CAMTA2: variants seen among roughly 807,000 people sequenced by gnomAD.
The protein encoded by CAMTA2 is calmodulin binding transcription activator 2, also known as calmodulin-binding transcription activator 2.
A neutral mutation model predicts 135.7 loss-of-function variants in CAMTA2; 56 were observed. The observed-to-expected ratio is 0.41, with a 90% CI of 0.33 to 0.52. The LOEUF is 0.52. Ranked by LOEUF, CAMTA2 falls within the 20% of genes least tolerant of loss-of-function variation. The pLI, the probability that CAMTA2 is intolerant of heterozygous loss-of-function variation, is 0.16. For synonymous variants in CAMTA2, 591 were observed against 604.6 expected (o/e 0.98, Z 0.33); for missense variants, 1,358 against 1,553.4 (o/e 0.87, Z 2.11).
At position 4,968,746 on chromosome 17, in the gene CAMTA2, G is replaced by A. The variant is rs769012964; in HGVS notation, c.*10C>T. On this transcript the variant is annotated 3_prime_UTR_variant, in exon 23 of 23. Coordinates refer to ENST00000348066, the MANE Select transcript of CAMTA2 (RefSeq NM_015099.4). ...GCGCCCCCAGGGTGGTGAGAAAGGCGGTGGCCAGGTCATGTGGCCAGTCCC... is the reference window on the plus strand; with the variant it reads ...GCGCCCCCAGGGTGGTGAGAAAGGCAGTGGCCAGGTCATGTGGCCAGTCCC... The A allele has an allele frequency of 3.7e-6, 6 of 1,613,988 alleles. No individual in the cohort carries two copies. The highest frequency in any genetic ancestry group is 2.2e-5 in the East Asian group (1 of 44,880).
chr17:4,987,426 C>G (rs1973428277), intron 1 of CAMTA2, 167 bp downstream of exon 1: 1 of 1,384,386 alleles, frequency 7.2e-7, no homozygotes, highest in Non-Finnish European at 9.3e-7. Context: ...TGGGGCCCTG[C>G]GGTGAGCGGC....
At position 4,987,605 on chromosome 17, in the gene CAMTA2, C is replaced by T. The variant is rs1597793409; in HGVS notation, c.-77G>A. On this transcript the variant is annotated 5_prime_UTR_variant, in exon 1 of 23. Transcript: ENST00000348066. ...CCCTGGCTCTTACCTCCCGGGGTCCCGCGGGTGACGGCGGCAGCGGCCATT... is the reference window on the plus strand; with the variant it reads ...CCCTGGCTCTTACCTCCCGGGGTCCTGCGGGTGACGGCGGCAGCGGCCATT... The T allele has an allele frequency of 1.2e-5, 19 of 1,527,454 alleles. No individual in the cohort carries two copies. In the East Asian group the frequency reaches 4.5e-4, roughly 36 times the overall value. 94.6% of individuals were successfully genotyped at this position (1,527,454 alleles called of 1,614,324 possible).
chr17:4,980,649 G>A lies in CAMTA2; in HGVS notation c.701-28C>T, dbSNP rs1420010034. ...GGAGTGGAGAGGAGTAGGAGGGAGAGGAGATAAGACACATCATTCCGCACC... is the reference window on the plus strand; with the variant it reads ...GGAGTGGAGAGGAGTAGGAGGGAGAAGAGATAAGACACATCATTCCGCACC... On this transcript the variant is annotated intron_variant, in intron 8 of 22. Coordinates refer to ENST00000348066, the MANE Select transcript of CAMTA2 (RefSeq NM_015099.4). This position sits in a 1 kb window ranked among gnomAD's most constrained non-coding sequence, Gnocchi z 5.3. 4.5e-6 allele frequency: 7 copies of A among 1,569,998 alleles called. No individual in the cohort carries two copies. In the South Asian group the frequency reaches 7.8e-5, roughly 17 times the overall value.
intron 10 of CAMTA2, among the ~76,000 whole-genome samples, chr17:4,977,637 T>A (rs1163727398): frequency 6.6e-6 from 1 of 152,210 alleles, no homozygotes; most frequent in African/African-American, 2.4e-5. Context: ...TAAGACCAGG[T>A]GCTGAGACTT....
intron 10 of CAMTA2, among the ~76,000 whole-genome samples, chr17:4,977,637 T>G (rs1163727398): frequency 1.3e-5 from 2 of 152,210 alleles, no homozygotes; most frequent in South Asian, 2.1e-4. Flanking sequence ...TAAGACCAGG[T>G]GCTGAGACTT....
chr17:4,973,329 G>A, intron 13 of CAMTA2, 76 bp from the exon 14 acceptor site: 3 of 1,184,714 alleles, frequency 2.5e-6, no homozygotes, highest in Non-Finnish European at 3.8e-6. Flanking sequence ...AGAAGTAAAG[G>A]CACTAGGAGG....
chr17:4,975,980 A>AT (rs2151176467), intron 11 of CAMTA2, among the ~76,000 whole-genome samples: 1 of 152,378 alleles, frequency 6.6e-6, no homozygotes, highest in Non-Finnish European at 1.5e-5. Context: ...AGCAATGGAT[A>AT]TCACTGAGAA....
rs60210082 is a variant in CAMTA2 at position 4,969,139 on chromosome 17, C to T, written c.3470+11G>A. On this transcript the variant is annotated intron_variant, in intron 21 of 22. Coordinates refer to ENST00000348066, the MANE Select transcript of CAMTA2 (RefSeq NM_015099.4). This position sits in a 1 kb window ranked among gnomAD's most constrained non-coding sequence, Gnocchi z 5.6. ...AGTGGGTGGGCACAGAGGGCTGGGG[C>T]TGGGCCCTACTTGTTGCGGGCAGGC... is the stretch of plus-strand genomic sequence containing the variant. 9,831 of 1,602,334 alleles carry T rather than the reference C, an allele frequency of 6.1e-3. 498 individuals carry two copies. In the African/African-American group the frequency reaches 0.11, roughly 18 times the overall value.
In CAMTA2 at chr17:4,973,235, G is replaced by A; in HGVS notation, c.2220C>T (p.Ser740=). 1.9e-6 allele frequency: 3 copies of A among 1,613,862 alleles called. No homozygotes were observed. Among genetic ancestry groups the A allele is most frequent in the Non-Finnish European group, 2.5e-6 (3 of 1,179,772 alleles). ...LSQWRSVETG[S]LDLEQEVDPL... is the part of the protein sequence containing the mutation. Reference sequence around the variant, plus strand: ...GGTCAACCTCCTGCTCTAAGTCCAAGCTTCCAGTCTCCACACTCCTGGAGG... The same window carrying A: ...GGTCAACCTCCTGCTCTAAGTCCAAACTTCCAGTCTCCACACTCCTGGAGG... Residue 740 remains serine (S), a synonymous_variant, in exon 14 of 23, where the codon AGC becomes AGT. Transcript: ENST00000348066.
At chr17:4,981,901 C>A in intron 6 of CAMTA2, 70 bp from the exon 7 acceptor site, 1 of 1,481,196 alleles carries the variant, frequency 6.8e-7, no homozygotes, top group African/African-American at 1.4e-5. Flanking sequence ...CTAATCCTCA[C>A]TTTCTTCCTG....
Position 4,986,226 on chromosome 17 carries a change from G to T in CAMTA2, c.-4C>A. ...CGGTGGTGTCCTTGGTATTCATGGTGAGGGCTCCAGGGGGCAAGGTCACCC... is the reference window on the plus strand; with the variant it reads ...CGGTGGTGTCCTTGGTATTCATGGTTAGGGCTCCAGGGGGCAAGGTCACCC... On this transcript the variant is annotated 5_prime_UTR_variant, in exon 2 of 23. Coordinates refer to ENST00000348066, the MANE Select transcript of CAMTA2 (RefSeq NM_015099.4). 1 of 1,609,120 alleles carries T rather than the reference G, an allele frequency of 6.2e-7. No individual in the cohort carries two copies. Among genetic ancestry groups the T allele is most frequent in the Non-Finnish European group, 8.5e-7 (1 of 1,175,426 alleles).
intron 3 of CAMTA2, 81 bp from the exon 4 acceptor site, chr17:4,983,124 T>G: frequency 8.3e-7 from 1 of 1,209,890 alleles, no homozygotes; most frequent in Non-Finnish European, 1.2e-6. Context: ...TGTCAGTGTC[T>G]CACTCTCTGC....
Position 4,968,717 on chromosome 17 carries a change from C to T in CAMTA2, c.*39G>A. 6.2e-6 allele frequency: 10 copies of T among 1,613,042 alleles called. No homozygotes were observed. The highest frequency in any genetic ancestry group is 8.5e-6 in the Non-Finnish European group (10 of 1,179,664). The stretch of plus-strand genomic sequence containing the variant: ...AAGCCCTCTCCCTGTTAAGACTGCA[C>T]GAGGCGCCCCCAGGGTGGTGAGAAA... On this transcript the variant is annotated 3_prime_UTR_variant, in exon 23 of 23. Coordinates refer to ENST00000348066, the MANE Select transcript of CAMTA2 (RefSeq NM_015099.4).
At position 4,974,612 on chromosome 17, in the gene CAMTA2, T is replaced by C. The variant is rs182572447; in HGVS notation, c.1901-112A>G. ...ATGAGGACACAGAACCATATTCTTT[T>C]ATCTTCCCCAAAACAACAGCTCCTT... On this transcript the variant is annotated intron_variant, in intron 11 of 22. Transcript: ENST00000348066. 3,293 of 683,616 alleles carry C rather than the reference T, an allele frequency of 4.8e-3. 14 individuals carry two copies. The highest frequency in any genetic ancestry group is 9.1e-3 in the Middle Eastern group (37 of 4,080). The allele number at this position is 683,616 out of a possible 1,614,324, so 42.3% of individuals were successfully genotyped here. A position where few individuals can be genotyped will look rare whatever the true frequency, so the allele number is the denominator to read the frequency against.
Position 4,980,163 on chromosome 17 carries a change from C to A in CAMTA2, c.1159G>T (p.Gly387Cys). 6.3e-7 allele frequency: 1 copy of A among 1,580,912 alleles called. No homozygotes were observed. Among genetic ancestry groups the A allele is most frequent in the East Asian group, 2.2e-5 (1 of 44,620 alleles). The change falls in exon 9 of 23, where the codon GGC (glycine) becomes TGC (cysteine). Residue 387 changes from glycine (G) to cysteine (C), a missense_variant. Physicochemically the swap from Gly to Cys is radical, Grantham distance 159. Coordinates refer to ENST00000348066, the MANE Select transcript of CAMTA2 (RefSeq NM_015099.4). The surrounding 1 kb of genome is among the most constrained non-coding windows in gnomAD (Gnocchi z 5.3). ...CCCTGCCCCCCTCCATATGTCTGGCCCCTCTGGGGGCTGTTGAGAAAACGA... is the reference window on the plus strand; with the variant it reads ...CCCTGCCCCCCTCCATATGTCTGGCACCTCTGGGGGCTGTTGAGAAAACGA... ...PDRFLNSPQRGQTYGGGQGVS... is the reference protein window; with the variant it reads ...PDRFLNSPQRCQTYGGGQGVS...
In CAMTA2 at chr17:4,978,595, G is replaced by A. The variant is rs142890211; in HGVS notation, c.1674C>T (p.Thr558=). The A allele has an allele frequency of 2.7e-5, 43 of 1,614,098 alleles. No individual in the cohort carries two copies. In the Admixed American group the frequency reaches 3.7e-4, roughly 14 times the overall value. Residue 558 remains threonine, a synonymous_variant, in exon 10 of 23, where the codon ACC becomes ACT. Transcript: ENST00000348066. ...CACAGGAGTAATGCTCGGCGGCTTCGGTCCAAGGACCTGTGATGAGCACCT... is the reference window on the plus strand; with the variant it reads ...CACAGGAGTAATGCTCGGCGGCTTCAGTCCAAGGACCTGTGATGAGCACCT... ...GVKVLITGPW[T]EAAEHYSCVF... is the part of the protein sequence containing the mutation.
intron 1 of CAMTA2, 21 bp downstream of exon 1, chr17:4,987,572 G>A: frequency 6.6e-7 from 1 of 1,514,080 alleles, no homozygotes; most frequent in South Asian, 1.2e-5. Flanking sequence ...GGAGAGGCGG[G>A]CGAGAGGCCC....
intron 1 of CAMTA2, chr17:4,986,695 T>G: frequency 1.8e-6 from 1 of 547,132 alleles, no homozygotes; most frequent in East Asian, 3.3e-5. Flanking sequence ...GGCAGGAGAT[T>G]CTACCTCCGG....
chr17:4,969,774 G>T lies in CAMTA2; in HGVS notation c.3190-73C>A. 1 of 1,600,952 alleles carries T rather than the reference G, an allele frequency of 6.2e-7. No homozygotes were observed. ...TCTGACTTGTCCCTTCAACTTTCCT[G>T]GGGTTCCCCTGACCCTTTACCCCAT... is the stretch of plus-strand genomic sequence containing the variant. On this transcript the variant is annotated intron_variant, in intron 18 of 22. Transcript: ENST00000348066. This position sits in a 1 kb window ranked among gnomAD's most constrained non-coding sequence, Gnocchi z 5.6.
Sources: gnomAD v4.1 joint callset for allele counts (sites outside exome capture counted in the v4.1 genomes callset) on GRCh38, gnomAD v4.1.1 for gene constraint, Gnocchi (gnomAD v3.1) non-coding constraint, MANE v1.5 for transcripts, NCBI Gene and HGNC (gene_info 2026-07-23, HGNC 2026-07-21) for gene names.